Variants in ITM2A observed in about 807,000 individuals in gnomAD.
The protein encoded by ITM2A is integral membrane protein 2A, also known as BRICHOS domain containing 2A.
Under a neutral mutation model 16.6 loss-of-function variants are expected in ITM2A, and 11 were observed. That is an observed-to-expected ratio of 0.66 (90% CI 0.42 to 1.10). The LOEUF (loss-of-function observed/expected upper bound fraction) is 1.10, where lower values mean the gene tolerates loss of function less well. Ranked by LOEUF, ITM2A falls within the 50% of genes least tolerant of loss-of-function variation. ITM2A has a pLI of 0.00. For missense variants in ITM2A, 243 were observed against 206.8 expected (o/e 1.17, Z -1.07); for synonymous variants, 102 against 71.2 (o/e 1.43, Z -2.18).
Position 79,361,123 on chromosome X carries a change from T to G in ITM2A, c.758A>C (p.Glu253Ala), listed in dbSNP as rs763584811. Reference protein sequence around the residue: ...KCWKIRHFPNEFIVETKICQE With the variant: ...KCWKIRHFPNAFIVETKICQE ...ACAGATCTTGGTCTCAACAATAAAT[T>G]CGTTGGGGAAGTGTCTAATCTTCCA... Residue 253 changes from glutamate (E) to alanine (A), a missense_variant, in exon 6 of 6, where the codon GAA (glutamate) becomes GCA (alanine). Coordinates refer to ENST00000373298, the MANE Select transcript of ITM2A (RefSeq NM_004867.5). 1 of 1,202,073 alleles carries G rather than the reference T, an allele frequency of 8.3e-7. No individual in the cohort carries two copies. Among genetic ancestry groups the G allele is most frequent in the East Asian group, 3.0e-5 (1 of 33,728 alleles).
intron 4 of ITM2A, among the ~76,000 whole-genome samples, chrX:79,361,857 T>G (rs1184628668): frequency 6.2e-5 from 3 of 48,379 alleles, no homozygotes; most frequent in Admixed American, 2.5e-4. Context: ...TGTTTTTTTT[T>G]TGTGATTTTT....
In ITM2A at chrX:79,362,582, G is replaced by A. The variant is rs750553735; in HGVS notation, c.551C>T (p.Ala184Val). ...KNLVELFGKL[A>V]SGRYLPQTYV... ...AAATTTGACTTCCAAAATACATACC[G>A]CCAGTTTGCCAAAGAGCTCTACCAG... Residue 184 changes from alanine (A) to valine (V), a missense_variant and splice_region_variant, in exon 4 of 6, where the codon GCG becomes GTG. Ala to Val is a moderately conservative substitution (Grantham distance 64). Transcript: ENST00000373298. 109 of 1,133,647 alleles carry A rather than the reference G, an allele frequency of 9.6e-5. No homozygotes were observed. Among genetic ancestry groups the A allele is most frequent in the Non-Finnish European group, 1.2e-4 (104 of 838,269 alleles). The allele number at this position is 1,133,647 out of a possible 1,213,427, so 93.4% of individuals were successfully genotyped here.
At chrX:79,366,938 G>A in intron 1 of ITM2A, 167 bp downstream of exon 1, 1 of 426,603 alleles carries the variant, frequency 2.3e-6, no homozygotes, top group South Asian at 3.5e-5. Context: ...AGAGGGTGCG[G>A]TAAGCAGAAG....
At chrX:79,364,393 G>T (rs1925516632) in intron 1 of ITM2A, among the ~76,000 whole-genome samples, 1 of 111,970 alleles carries the variant, frequency 8.9e-6, no homozygotes, top group African/African-American at 3.2e-5. Flanking sequence ...AGTTGTCTGT[G>T]TGGTAACAGT....
At position 79,361,531 on chromosome X, in the gene ITM2A, T is replaced by G. The variant is rs754529773; in HGVS notation, c.553-52A>C. On this transcript the variant is annotated intron_variant, in intron 4 of 5. Transcript: ENST00000373298. ...TGAGAAATTCTTTTTCCTTTTTAAC[T>G]TTGAAGTTCAGGAGTAAAAGTGCAA... 173 of 1,079,074 alleles carry G rather than the reference T, an allele frequency of 1.6e-4. 1 individual carries two copies. Among genetic ancestry groups the G allele is most frequent in the Admixed American group, 2.4e-5 (1 of 40,886 alleles). 88.9% of individuals were successfully genotyped at this position (1,079,074 alleles called of 1,213,427 possible).
At position 79,363,078 on chromosome X, in the gene ITM2A, C is replaced by A; in HGVS notation, c.305G>T (p.Arg102Leu). 8.3e-7 allele frequency: 1 copy of A among 1,209,370 alleles called. No individual in the cohort carries two copies. Among genetic ancestry groups the A allele is most frequent in the Non-Finnish European group, 1.1e-6 (1 of 893,915 alleles). The change falls in exon 3 of 6, where the codon CGT (arginine) becomes CTT (leucine). Residue 102 changes from arginine (R) to leucine (L), a missense_variant. Coordinates refer to ENST00000373298, the MANE Select transcript of ITM2A (RefSeq NM_004867.5). ...AGGCAGGAAGTTAGGCTCTCCTCCA[C>A]GAAGGGAATTTGCAGGATCCTCAGA... The part of the protein sequence containing the change: ...FDSEDPANSL[R>L]GGEPNFLPVT...
At chrX:79,364,136 T>A (rs1294110195) in intron 1 of ITM2A, among the ~76,000 whole-genome samples, 5 of 112,231 alleles carry the variant, frequency 4.5e-5, no homozygotes, top group African/African-American at 1.6e-4. Flanking sequence ...TTCAAAAAGC[T>A]GATTTTTGAA....
Position 79,360,581 on chromosome X carries a change from C to G in ITM2A, c.*508G>C, listed in dbSNP as rs913394541. 8 of 111,343 alleles carry G rather than the reference C, an allele frequency of 7.2e-5. No homozygotes were observed. The highest frequency in any genetic ancestry group is 2.6e-4 in the African/African-American group (8 of 30,710). The allele number at this position is 111,343 out of a possible 1,213,427, so 9.2% of individuals were successfully genotyped here. ...GTTAATTACAGAGCACCTAACAGAA[C>G]TGCAAAGATGTAATTTCTAAATTCA... On this transcript the variant is annotated 3_prime_UTR_variant, in exon 6 of 6. Coordinates refer to ENST00000373298, the MANE Select transcript of ITM2A (RefSeq NM_004867.5).
At position 79,367,114 on chromosome X, in the gene ITM2A, C is replaced by T. The variant is rs1925602968; in HGVS notation, c.102G>A (p.Leu34=). 8.4e-7 allele frequency: 1 copy of T among 1,189,256 alleles called. No homozygotes were observed. Among genetic ancestry groups the T allele is most frequent in the Non-Finnish European group, 1.1e-6 (1 of 879,318 alleles). ...GCCCTGGGACAGCTACCTTGCCGGT[C>T]AGTATCTGAGTTCTGACCGTGCGGC... ...LLSRTVRTQI[L]TGKELRVATQ... Residue 34 remains leucine (L), a synonymous_variant, in exon 1 of 6, where the codon CTG becomes CTA. Transcript: ENST00000373298.
intron 3 of ITM2A, 68 bp downstream of exon 3, chrX:79,362,874 C>A: frequency 1.2e-6 from 1 of 855,215 alleles, no homozygotes; most frequent in Non-Finnish European, 1.7e-6. Flanking sequence ...TAATACCTGC[C>A]AATGAAGTAA....
In ITM2A at chrX:79,367,255, C is replaced by T; in HGVS notation, c.-40G>A. ...CTGCGCGGTAAGGCGCTGCTGGAAT[C>T]AGCGTCCTGGGCTGCAGACTGCAAG... is the stretch of plus-strand genomic sequence containing the variant. On this transcript the variant is annotated 5_prime_UTR_variant, in exon 1 of 6. Transcript: ENST00000373298. The T allele has an allele frequency of 1.0e-6, 1 of 985,148 alleles. No homozygotes were observed. Among genetic ancestry groups the T allele is most frequent in the Non-Finnish European group, 1.4e-6 (1 of 701,688 alleles). The allele number at this position is 985,148 out of a possible 1,213,427, so 81.2% of individuals were successfully genotyped here.
chrX:79,361,506 T>A (rs368517385), intron 4 of ITM2A, 27 bp from the exon 5 acceptor site: 50 of 1,165,340 alleles, frequency 4.3e-5, no homozygotes, highest in Non-Finnish European at 5.2e-5. Flanking sequence ...AAGATTGAAA[T>A]GAGAAATTCT....
At chrX:79,363,398 T>A (rs1925491036) in intron 2 of ITM2A, 25 bp downstream of exon 2, 1 of 1,063,628 alleles carries the variant, frequency 9.4e-7, no homozygotes, top group South Asian at 2.4e-5. Context: ...ATCCAAAGTA[T>A]AATAATTATA....
intron 4 of ITM2A, 105 bp from the exon 5 acceptor site, chrX:79,361,584 T>C (rs1456657990): frequency 6.6e-5 from 43 of 648,651 alleles, no homozygotes; most frequent in Non-Finnish European, 9.6e-5. Context: ...AGTTGTGTCA[T>C]GGGGTTTGTT....
chrX:79,363,230 T>C, intron 2 of ITM2A, 91 bp from the exon 3 acceptor site: 2 of 833,221 alleles, frequency 2.4e-6, no homozygotes, highest in Non-Finnish European at 3.5e-6. Flanking sequence ...TTCATTGTAC[T>C]ATGTGTTAAG....
Position 79,363,105 on chromosome X carries a change from T to C in ITM2A, c.278A>G (p.Asp93Gly), listed in dbSNP as rs764514246. 3 of 1,208,637 alleles carry C rather than the reference T, an allele frequency of 2.5e-6. No individual in the cohort carries two copies. The highest frequency in any genetic ancestry group is 2.2e-5 in the Admixed American group (1 of 45,680). Reference protein sequence around the residue: ...TIYRGEMCFFDSEDPANSLRG... With the variant: ...TIYRGEMCFFGSEDPANSLRG... The stretch of plus-strand genomic sequence containing the variant: ...AAGGGAATTTGCAGGATCCTCAGAA[T>C]CAAAAAAGCACATCTCTCCACGGTA... The change falls in exon 3 of 6, where the codon GAT becomes GGT. Residue 93 changes from aspartate (D) to glycine (G), a missense_variant. Coordinates refer to ENST00000373298, the MANE Select transcript of ITM2A (RefSeq NM_004867.5).
At position 79,363,494 on chromosome X, in the gene ITM2A, A is replaced by G; in HGVS notation, c.172T>C (p.Leu58=). ...GSSGRCMLTL[L]GLSFILAGLI... is the part of the protein sequence containing the mutation. ...CCTGCCAAGATGAATGAAAGGCCTA[A>G]GAGAGTAAGCATACATCTCCCAGAG... Residue 58 remains leucine (L), a synonymous_variant, in exon 2 of 6, where the codon TTA becomes CTA. Transcript: ENST00000373298. 3 of 1,190,752 alleles carry G rather than the reference A, an allele frequency of 2.5e-6. No homozygotes were observed. Among genetic ancestry groups the G allele is most frequent in the Non-Finnish European group, 2.3e-6 (2 of 879,941 alleles).
chrX:79,362,978 A>G lies in ITM2A; in HGVS notation c.405T>C (p.Asp135=). The part of the protein sequence containing the change: ...IIDVPVPSFS[D]SDPAAIIHDF... Reference sequence around the variant, plus strand: ...CATGAATAATTGCTGCAGGGTCACTATCAGAGAAACTGGGGACAGGCACAT... The same window carrying G: ...CATGAATAATTGCTGCAGGGTCACTGTCAGAGAAACTGGGGACAGGCACAT... The change falls in exon 3 of 6, where the codon GAT becomes GAC. Residue 135 remains aspartate, a synonymous_variant. Coordinates refer to ENST00000373298, the MANE Select transcript of ITM2A (RefSeq NM_004867.5). The G allele has an allele frequency of 8.3e-7, 1 of 1,207,301 alleles. No homozygotes were observed. The highest frequency in any genetic ancestry group is 1.1e-6 in the Non-Finnish European group (1 of 891,631).
rs1285870952 is a variant in ITM2A, at chrX:79,361,446, G to A, written c.586C>T (p.Arg196Ter). 4.1e-6 allele frequency: 5 copies of A among 1,205,605 alleles called. No homozygotes were observed. Among genetic ancestry groups the A allele is most frequent in the East Asian group, 3.0e-5 (1 of 33,758 alleles). ...TCCTCCACAGCAACTAGGTCTTCTCGAACCACATAAGTTTGAGGCAGATAT... is the reference window on the plus strand; with the variant it reads ...TCCTCCACAGCAACTAGGTCTTCTCAAACCACATAAGTTTGAGGCAGATAT... ...GRYLPQTYVV[R>*]EDLVAVEEIR... Residue 196 changes from arginine (R) to a stop codon, truncating the protein, a stop_gained, in exon 5 of 6, where the codon CGA becomes TGA. Coordinates refer to ENST00000373298, the MANE Select transcript of ITM2A (RefSeq NM_004867.5). LOFTEE classifies it high-confidence loss of function.
Sources: gnomAD v4.1 joint callset for allele counts (sites outside exome capture counted in the v4.1 genomes callset) on GRCh38, gnomAD v4.1.1 for gene constraint, MANE v1.5 for transcripts, NCBI Gene and HGNC (gene_info 2026-07-23, HGNC 2026-07-21) for gene names.